The following TAL1 variants were observed in gnomAD, a reference collection of about 807,000 sequenced individuals.
TAL1 encodes the protein TAL bHLH transcription factor 1, erythroid differentiation factor.
Under a neutral mutation model 17.9 loss-of-function variants are expected in TAL1, and 8 were observed. That is an observed-to-expected ratio of 0.45 (90% confidence interval 0.26 to 0.81). The LOEUF is 0.81. Ranked by LOEUF, TAL1 falls within the 30% of genes least tolerant of loss-of-function variation. The probability of loss-of-function intolerance (pLI) is 0.17; values close to 1 mark genes in which losing one functional copy is unlikely to be tolerated. For synonymous variants in TAL1, 223 were observed against 218.6 expected (o/e 1.02, Z -0.18); for missense variants, 466 against 486.9 (o/e 0.96, Z 0.40).
intron 2 of TAL1, 72 bp downstream of exon 3, chr1:47,225,371 A>G (rs2148591146): frequency 8.3e-7 from 1 of 1,208,060 alleles, no homozygotes; most frequent in Non-Finnish European, 1.0e-6. Context: ...CGATGTGTAG[A>G]AGGAAACCCC....
In TAL1 at chr1:47,219,204, C is replaced by T. The variant is rs934127103; in HGVS notation, c.*516G>A. 7 of 434,080 alleles carry T rather than the reference C, an allele frequency of 1.6e-5. No individual in the cohort carries two copies. In the East Asian group the frequency reaches 2.8e-4, roughly 18 times the overall value. The allele number at this position is 434,080 out of a possible 1,614,324, so 26.9% of individuals were successfully genotyped here. A position where few individuals can be genotyped will look rare whatever the true frequency, so the allele number is the denominator to read the frequency against. Reference sequence around the variant, plus strand: ...AGGCTTGTGACTCTGCAGCATCTGGCAAGCTGGATGGATCAACATAGGCCT... The same window carrying T: ...AGGCTTGTGACTCTGCAGCATCTGGTAAGCTGGATGGATCAACATAGGCCT... On this transcript the variant is annotated 3_prime_UTR_variant, in exon 4 of 4. Coordinates refer to ENST00000294339, the Ensembl canonical transcript of TAL1.
rs1643891972 is a variant in TAL1, at chr1:47,225,421, CCCCTGGCCCCT to C, written c.446+11_446+21del. The C allele has an allele frequency of 8.1e-7, 1 of 1,228,998 alleles. No individual in the cohort carries two copies. Among genetic ancestry groups the C allele is most frequent in the Admixed American group, 4.2e-5 (1 of 23,584 alleles). The allele number at this position is 1,228,998 out of a possible 1,614,324, so 76.1% of individuals were successfully genotyped here. A position where few individuals can be genotyped will look rare whatever the true frequency, so the allele number is the denominator to read the frequency against. On this transcript the variant is annotated intron_variant, in intron 2 of 3. Coordinates refer to ENST00000294339, the Ensembl canonical transcript of TAL1. ...CCCTGCCCACCCGCCCAGCCCCTGG[CCCCTGGCCCCT>C]GGCCCCTGACCTGCCGAGAGAGGCC...
exon 4 of TAL1, chr1:47,219,880 T>C (rs770564744): frequency 1.3e-6 from 2 of 1,581,118 alleles, no homozygotes; most frequent in Non-Finnish European, 1.7e-6. Flanking sequence ...TTGCAGGAGG[T>C]CATCTGGGGG....
chr1:47,218,944 C>T (rs1233089512), exon 4 of TAL1: 2 of 267,220 alleles, frequency 7.5e-6, no homozygotes, highest in Non-Finnish European at 1.5e-5. Context: ...ACTCTACTAT[C>T]ATTGTCCCTT....
At chr1:47,225,160 C>T (rs1486824958) in intron 2 of TAL1, among the ~76,000 whole-genome samples, 2 of 152,192 alleles carry the variant, frequency 1.3e-5, no homozygotes, top group Non-Finnish European at 1.5e-5. Context: ...CATGCCTGCA[C>T]CCGCGAAGGT....
chr1:47,219,567 T>G (rs1480775118), exon 4 of TAL1: 1 of 1,234,166 alleles, frequency 8.1e-7, no homozygotes, highest in Non-Finnish European at 1.1e-6. Flanking sequence ...AGCCCCAGGG[T>G]CAGTAAAGGC....
At chr1:47,219,670 C>T in exon 4 of TAL1, 5 of 1,601,206 alleles carry the variant, frequency 3.1e-6, no homozygotes, top group East Asian at 2.2e-5. Flanking sequence ...AGCCCACCAT[C>T]CCAGCAGCCT....
At chr1:47,229,666 A>G (rs1643974014) in exon 1 of TAL1, 1 of 153,198 alleles carries the variant, frequency 6.5e-6, no homozygotes, top group Admixed American at 6.5e-5. Flanking sequence ...TCCAACTGGG[A>G]TCGGTCTGGT....
At chr1:47,230,053 A>G (rs2148596781), upstream of TAL1, 1 of 152,376 alleles carries the variant, frequency 6.6e-6, no homozygotes, top group Non-Finnish European at 1.5e-5. Flanking sequence ...GAGACAGAAA[A>G]AGAAAAGGAA....
At chr1:47,218,420 G>A (rs1196682422) in exon 4 of TAL1, 1 of 232,660 alleles carries the variant, frequency 4.3e-6, no homozygotes, top group African/African-American at 2.2e-5. Flanking sequence ...AAAAGATGAA[G>A]GATAAGGATG....
At chr1:47,219,005 T>G (rs977747) in exon 4 of TAL1, 136,555 of 275,718 alleles carry the variant, frequency 0.5, 38,074 homozygotes, top group Middle Eastern at 0.65. Context: ...CTGCAGACAT[T>G]GTCTCCACAG....
In TAL1 at chr1:47,224,282, CTCTG is replaced by C. The variant is rs1422804470; in HGVS notation, c.447-188_447-185del. ...CACACATACACACGGAATGCCCTCA[CTCTG>C]TCTGTCATAAAACAAGCAAAGGGAG... On this transcript the variant is annotated intron_variant, in intron 2 of 3. Transcript: ENST00000294339. Among the ~76,000 whole-genome samples, 20 of 151,980 alleles carry C rather than the reference CTCTG, an allele frequency of 1.3e-4. No homozygotes were observed. The East Asian group carries it at 1.9e-3, about 15-fold the overall frequency.
exon 4 of TAL1, chr1:47,218,389 A>G (rs1474444346): frequency 4.3e-6 from 1 of 232,712 alleles, no homozygotes; most frequent in African/African-American, 2.2e-5. Flanking sequence ...TTACAAAAGG[A>G]CTTGCAGTGG....
At chr1:47,230,686 G>A (rs1557683392), upstream of TAL1, 1 of 152,188 alleles carries the variant, frequency 6.6e-6, no homozygotes, top group Admixed American at 6.5e-5. Flanking sequence ...CGCCAAAGGA[G>A]CCAAAAGGGA....
At chr1:47,224,459 C>T (rs1368674426) in intron 2 of TAL1, among the ~76,000 whole-genome samples, 2 of 151,974 alleles carry the variant, frequency 1.3e-5, no homozygotes, top group African/African-American at 4.8e-5. Context: ...TCCATTCTCC[C>T]GCCCCAGAAA....
chr1:47,231,914 T>C (rs1176870891), upstream of TAL1, among the ~76,000 whole-genome samples: 1 of 152,116 alleles, frequency 6.6e-6, no homozygotes, highest in Non-Finnish European at 1.5e-5. Context: ...GCCTCGCGCA[T>C]TTCTGTATAT....
chr1:47,226,625 T>C (rs1462134036), intron 1 of TAL1, among the ~76,000 whole-genome samples: 1 of 152,190 alleles, frequency 6.6e-6, no homozygotes, highest in Non-Finnish European at 1.5e-5. Flanking sequence ...GCCCAGCGGA[T>C]CTTTACTCCC....
chr1:47,231,976 C>T (rs1437846486), upstream of TAL1, among the ~76,000 whole-genome samples: 2 of 151,892 alleles, frequency 1.3e-5, no homozygotes, highest in South Asian at 4.2e-4. Context: ...GCGGGAGGGG[C>T]GGCGGCAGCC....
exon 4 of TAL1, chr1:47,219,071 G>A (rs556843377): frequency 3.7e-4 from 123 of 328,524 alleles, no homozygotes; most frequent in Non-Finnish European, 6.4e-4. Context: ...TTGATCCCCA[G>A]GGCAAGAAGT....
Sources: gnomAD v4.1 joint callset for allele counts (sites outside exome capture counted in the v4.1 genomes callset) on GRCh38, gnomAD v4.1.1 for gene constraint, MANE v1.5 for transcripts, NCBI Gene and HGNC (gene_info 2026-07-23, HGNC 2026-07-21) for gene names.